Variants in FAM149B1 observed in about 807,000 individuals in gnomAD.
FAM149B1 encodes primary cilium assembly protein FAM149B1.
FAM149B1 carries 56 observed loss-of-function variants against 75.3 expected under a neutral mutation model. That is an observed-to-expected ratio of 0.74 (90% CI 0.60 to 0.93). The LOEUF (loss-of-function observed/expected upper bound fraction) is 0.93, where lower values mean the gene tolerates loss of function less well. FAM149B1 is among the 40% of genes least tolerant of loss of function. The pLI, the probability that FAM149B1 is intolerant of heterozygous loss-of-function variation, is 0.00. For synonymous variants in FAM149B1, 259 were observed against 256.1 expected, an observed-to-expected ratio of 1.01 and a Z score of -0.11; for missense variants, 639 against 708.4, an observed-to-expected ratio of 0.90 and a Z score of 1.11.
intron 1 of FAM149B1, among the ~76,000 whole-genome samples, chr10:73,171,714 C>T (rs1167658354): frequency 6.6e-6 from 1 of 151,534 alleles, no homozygotes; most frequent in Non-Finnish European, 1.5e-5. Context: ...CTGCAAGCTC[C>T]GCCTCCCAGG....
chr10:73,206,685 A>T (rs1423544040), intron 5 of FAM149B1, among the ~76,000 whole-genome samples: 2 of 152,156 alleles, frequency 1.3e-5, no homozygotes, highest in Non-Finnish European at 2.9e-5. Context: ...TTACAGCTTG[A>T]CTTGCCGCTT....
chr10:73,173,730 A>G (rs1292145044), intron 1 of FAM149B1, among the ~76,000 whole-genome samples: 1 of 152,238 alleles, frequency 6.6e-6, no homozygotes. Flanking sequence ...GTAGTTACAT[A>G]TATTTTACAC....
chr10:73,199,176 G>GT lies in FAM149B1; in HGVS notation c.542+5584dup, dbSNP rs569900922. 1.9e-3 allele frequency among the ~76,000 whole-genome samples: 292 copies of GT among 150,870 alleles called. 3 individuals carry two copies. The highest frequency in any genetic ancestry group is 6.7e-3 in the African/African-American group (275 of 41,174). Reference sequence around the variant, plus strand: ...AACTACCAGGGCAACACAGTATTAGGTAAGATAACTGTTATCCTTTTTTGT... The same window carrying GT: ...AACTACCAGGGCAACACAGTATTAGGTTAAGATAACTGTTATCCTTTTTTGT... On this transcript the variant is annotated intron_variant, in intron 5 of 13. Coordinates refer to ENST00000242505, the MANE Select transcript of FAM149B1 (RefSeq NM_173348.2).
At chr10:73,223,767 G>A (rs1272892179) in intron 7 of FAM149B1, among the ~76,000 whole-genome samples, 1 of 151,190 alleles carries the variant, frequency 6.6e-6, no homozygotes, top group Non-Finnish European at 1.5e-5. Context: ...TTAGAGAATA[G>A]GACTAGCACT....
intron 6 of FAM149B1, among the ~76,000 whole-genome samples, chr10:73,209,011 A>AT (rs1354124378): frequency 2.0e-5 from 3 of 152,100 alleles, no homozygotes; most frequent in Admixed American, 6.6e-5. Flanking sequence ...TGTTCCTGAG[A>AT]TTAGAGATTT....
intron 13 of FAM149B1, 55 bp from the exon 14 acceptor site, chr10:73,240,889 TGA>T (rs1442386121): frequency 9.7e-7 from 1 of 1,035,732 alleles, no homozygotes; most frequent in East Asian, 2.6e-5. Context: ...GCTATAAACT[TGA>T]GAGTGATTAT....
chr10:73,169,669 G>T (rs947573805), intron 1 of FAM149B1, among the ~76,000 whole-genome samples: 1 of 151,930 alleles, frequency 6.6e-6, no homozygotes, highest in African/African-American at 2.4e-5. Context: ...CCACTATGTT[G>T]CCCAGGCTGG....
chr10:73,239,422 G>A, intron 13 of FAM149B1, 38 bp downstream of exon 13: 1 of 1,489,494 alleles, frequency 6.7e-7, no homozygotes, highest in Non-Finnish European at 9.2e-7. Context: ...ACTACTGTGT[G>A]GTTGTGTTAA....
chr10:73,243,984 T>C lies in FAM149B1; in HGVS notation c.*2965T>C, dbSNP rs1459764461. On this transcript the variant is annotated 3_prime_UTR_variant, in exon 14 of 14. Coordinates refer to ENST00000242505, the MANE Select transcript of FAM149B1 (RefSeq NM_173348.2). ...GCCACCAGGAAATGCTTAAAATACA[T>C]ACTCTTTCCCAAAAGCAAATCTATA... 9 of 1,421,970 alleles carry C rather than the reference T, an allele frequency of 6.3e-6. No individual in the cohort carries two copies. The African/African-American group carries it at 7.1e-5, about 11-fold the overall frequency. 88.1% of individuals were successfully genotyped at this position (1,421,970 alleles called of 1,614,324 possible).
intron 1 of FAM149B1, among the ~76,000 whole-genome samples, chr10:73,172,622 G>C (rs1277742827): frequency 6.6e-6 from 1 of 152,094 alleles, no homozygotes; most frequent in African/African-American, 2.4e-5. Flanking sequence ...AGTTTTGTGA[G>C]GAAAGTCTAC....
intron 5 of FAM149B1, among the ~76,000 whole-genome samples, chr10:73,204,989 T>A (rs2043022917): frequency 9.5e-6 from 1 of 104,722 alleles, no homozygotes; most frequent in Non-Finnish European, 1.9e-5. Flanking sequence ...TTTTTTTTTT[T>A]TTTTTTTAGT....
chr10:73,226,193 G>C (rs980665345), intron 7 of FAM149B1, among the ~76,000 whole-genome samples: 2 of 151,590 alleles, frequency 1.3e-5, no homozygotes, highest in African/African-American at 4.9e-5. Flanking sequence ...ATGAGAAGCA[G>C]TGGCATATAA....
chr10:73,195,191 T>A (rs1281531424), intron 5 of FAM149B1, among the ~76,000 whole-genome samples: 1 of 152,200 alleles, frequency 6.6e-6, no homozygotes, highest in Non-Finnish European at 1.5e-5. Flanking sequence ...CTTCCAATAG[T>A]TGTAGTAATA....
Position 73,243,036 on chromosome 10 carries a change from G to C in FAM149B1, c.*2017G>C, listed in dbSNP as rs1208013310. 5.1e-6 allele frequency: 1 copy of C among 197,432 alleles called. No individual in the cohort carries two copies. Among genetic ancestry groups the C allele is most frequent in the Non-Finnish European group, 1.0e-5 (1 of 96,304 alleles). 12.2% of individuals were successfully genotyped at this position (197,432 alleles called of 1,614,324 possible). ...GGAAGGTGTTCTAGCTGGGTAGAGAGCCTATTCTAACAGACACGCACATCG... is the reference window on the plus strand; with the variant it reads ...GGAAGGTGTTCTAGCTGGGTAGAGACCCTATTCTAACAGACACGCACATCG... On this transcript the variant is annotated 3_prime_UTR_variant, in exon 14 of 14. Coordinates refer to ENST00000242505, the MANE Select transcript of FAM149B1 (RefSeq NM_173348.2).
At chr10:73,227,928 T>A in intron 7 of FAM149B1, 132 bp from the exon 8 acceptor site, 1 of 989,752 alleles carries the variant, frequency 1.0e-6, no homozygotes, top group Non-Finnish European at 1.5e-6. Context: ...GCAGGTGGCA[T>A]AAAATTGTAC....
chr10:73,180,702 T>C (rs2042375707), intron 3 of FAM149B1, among the ~76,000 whole-genome samples: 1 of 152,218 alleles, frequency 6.6e-6, no homozygotes, highest in South Asian at 2.1e-4. Flanking sequence ...ATATTCTTTT[T>C]CATGGCTTAA....
At chr10:73,188,208 A>G (rs1333098446) in intron 3 of FAM149B1, among the ~76,000 whole-genome samples, 2 of 152,240 alleles carry the variant, frequency 1.3e-5, no homozygotes, top group Non-Finnish European at 1.5e-5. Flanking sequence ...TGACAAAGGT[A>G]CAAAGGCAAT....
chr10:73,208,631 G>A lies in FAM149B1; in HGVS notation c.555G>A (p.Arg185=). The A allele has an allele frequency of 1.3e-6, 2 of 1,525,008 alleles. No homozygotes were observed. Among genetic ancestry groups the A allele is most frequent in the Non-Finnish European group, 1.8e-6 (2 of 1,131,260 alleles). The allele number at this position is 1,525,008 out of a possible 1,614,324, so 94.5% of individuals were successfully genotyped here. ...QERDSTIFGI[R]GKKLHFSSSY... is the part of the protein sequence containing the mutation. ...TTTCCACTCCAAGATTTGGTATAAG[G>A]GGAAAGAAGTTACATTTTTCATCTT... Residue 185 remains arginine, a synonymous_variant, in exon 6 of 14, where the codon AGG becomes AGA. Transcript: ENST00000242505.
At chr10:73,232,838 C>T in intron 9 of FAM149B1, 101 bp from the exon 10 acceptor site, 1 of 697,934 alleles carries the variant, frequency 1.4e-6, no homozygotes, top group Non-Finnish European at 2.5e-6. Context: ...TTTATTTCCC[C>T]CTAAATGTAG....
Sources: allele counts gnomAD v4.1 joint callset (sites outside exome capture counted in the v4.1 genomes callset), GRCh38; gene constraint gnomAD v4.1.1; transcripts MANE v1.5; gene names NCBI Gene and HGNC (gene_info 2026-07-23, HGNC 2026-07-21).